The following ZNF561 variants were observed in gnomAD, a reference collection of about 807,000 sequenced individuals.
ZNF561 encodes the protein zinc finger protein 561.
In ZNF561, 16 loss-of-function variants were observed where a neutral mutation model predicts 16.7. The ratio of observed to expected loss-of-function variants is 0.96; its 90% confidence interval spans 0.65 to 1.45. The LOEUF is 1.45. Ranked by LOEUF, ZNF561 falls within the 40% of genes most tolerant of loss-of-function variation. ZNF561 has a pLI of 0.00. For missense variants in ZNF561, 580 were observed against 578.0 expected (o/e 1.00, Z -0.04); for synonymous variants, 190 against 192.1 (o/e 0.99, Z 0.09).
In ZNF561 at chr19:9,610,872, A is replaced by G; in HGVS notation, c.789T>C (p.Thr263=). The change falls in exon 6 of 6, where the codon ACT becomes ACC. Residue 263 remains threonine, a synonymous_variant. Coordinates refer to ENST00000302851, the MANE Select transcript of ZNF561 (RefSeq NM_152289.3). Reference sequence around the variant, plus strand: ...CAGGTGCATAAAGTTGAGAAAAATTAGTGAAGGATTTCCCACATTTCTTAG... The same window carrying G: ...CAGGTGCATAAAGTTGAGAAAAATTGGTGAAGGATTTCCCACATTTCTTAG... ...KKTKKCGKSF[T]NFSQLYAPVK... 1 of 1,614,166 alleles carries G rather than the reference A, an allele frequency of 6.2e-7. No individual in the cohort carries two copies. The highest frequency in any genetic ancestry group is 1.1e-5 in the South Asian group (1 of 91,084).
intron 5 of ZNF561, among the ~76,000 whole-genome samples, chr19:9,612,426 G>A (rs1405318986): frequency 3.3e-5 from 5 of 151,846 alleles, no homozygotes; most frequent in Admixed American, 6.6e-5. Flanking sequence ...CCCCATGTTC[G>A]CCAGGCTGGT....
intron 4 of ZNF561, 135 bp downstream of exon 4, chr19:9,616,908 TAA>T (rs2074564727): frequency 8.0e-7 from 1 of 1,252,306 alleles, no homozygotes; most frequent in African/African-American, 1.5e-5. Context: ...ATTTTTTTTT[TAA>T]GAGACAAGGT....
chr19:9,618,544 G>A (rs541029270), intron 2 of ZNF561, among the ~76,000 whole-genome samples: 7 of 151,826 alleles, frequency 4.6e-5, no homozygotes, highest in African/African-American at 1.7e-4. Flanking sequence ...AGCTAACACG[G>A]TGAAACCCCA....
In ZNF561 at chr19:9,610,500, G is replaced by T. The variant is rs745646866; in HGVS notation, c.1161C>A (p.His387Gln). ...CACATTCATAAGGCTTCTCTCCTGT[G>T]TGAATTCTTGTATGCTGAATAAGAC... ...STSLIQHTRI[H>Q]TGEKPYECVE... The change falls in exon 6 of 6, where the codon CAC becomes CAA. Residue 387 changes from histidine to glutamine, a missense_variant. Transcript: ENST00000302851. 1.2e-6 allele frequency: 2 copies of T among 1,613,880 alleles called. No homozygotes were observed. Among genetic ancestry groups the T allele is most frequent in the Non-Finnish European group, 1.7e-6 (2 of 1,179,764 alleles).
chr19:9,618,056 A>G (rs1221624722), intron 3 of ZNF561, 35 bp downstream of exon 3: 9 of 1,524,284 alleles, frequency 5.9e-6, no homozygotes, highest in African/African-American at 1.4e-5. Flanking sequence ...GGATGAAAGC[A>G]TATCATTTTT....
Position 9,607,427 on chromosome 19 carries a change from C to T in ZNF561, c.*2773G>A, listed in dbSNP as rs1442954713. 1 of 152,074 alleles carries T rather than the reference C, an allele frequency of 6.6e-6. No individual in the cohort carries two copies. The highest frequency in any genetic ancestry group is 1.9e-4 in the East Asian group (1 of 5,190). 9.4% of individuals were successfully genotyped at this position (152,074 alleles called of 1,614,324 possible). On this transcript the variant is annotated 3_prime_UTR_variant, in exon 6 of 6. Transcript: ENST00000302851. ...AAACATGATCATCACAGAGGATGCA[C>T]AGGAAGCATTTAATAAATTCAAGAG...
chr19:9,619,578 C>T lies in ZNF561; in HGVS notation c.-122G>A, dbSNP rs1268492842. ...ATTCCTCTTTGTACAGGGTTATTTG[C>T]GGTCCTGTTCATATCAATCATCAAA... On this transcript the variant is annotated 5_prime_UTR_variant, in exon 2 of 6. Transcript: ENST00000302851. 15 of 849,978 alleles carry T rather than the reference C, an allele frequency of 1.8e-5. No homozygotes were observed. The highest frequency in any genetic ancestry group is 8.9e-5 in the South Asian group (5 of 55,996). 52.7% of individuals were successfully genotyped at this position (849,978 alleles called of 1,614,324 possible).
rs1284619177 is a variant in ZNF561 at position 9,607,891 on chromosome 19, GAC to G, written c.*2307_*2308del. On this transcript the variant is annotated 3_prime_UTR_variant, in exon 6 of 6. Transcript: ENST00000302851. ...TAGGGTTTTTTAGTTTTGTTTTTGA[GAC>G]AGAGTCTCGCTCTGTTGTCCAGGCT... The G allele has an allele frequency of 3.9e-5, 6 of 152,148 alleles. No individual in the cohort carries two copies. Among genetic ancestry groups the G allele is most frequent in the Non-Finnish European group, 7.3e-5 (5 of 68,040 alleles). 9.4% of individuals were successfully genotyped at this position (152,148 alleles called of 1,614,324 possible).
rs2074445763 is a variant in ZNF561, at chr19:9,611,069, T to C, written c.592A>G (p.Lys198Glu). The change falls in exon 6 of 6, where the codon AAA (lysine) becomes GAA (glutamate). Residue 198 changes from lysine to glutamate, a missense_variant. Physicochemically the swap from Lys to Glu is moderately conservative, Grantham distance 56. Coordinates refer to ENST00000302851, the MANE Select transcript of ZNF561 (RefSeq NM_152289.3). ...AAGCCTTTTCCACATTCCTTACATTTGTAGGGTTGTCTTGCATTGAGAACT... is the reference window on the plus strand; with the variant it reads ...AAGCCTTTTCCACATTCCTTACATTCGTAGGGTTGTCTTGCATTGAGAACT... The part of the protein sequence containing the change: ...LEVLNARQPY[K>E]CKECGKGFKY... 3 of 1,614,032 alleles carry C rather than the reference T, an allele frequency of 1.9e-6. No individual in the cohort carries two copies. In the African/African-American group the frequency reaches 4.0e-5, roughly 22 times the overall value.
rs185620706 is a variant in ZNF561 at position 9,610,233 on chromosome 19, G to A, written c.1428C>T (p.Pro476=). The part of the protein sequence containing the change: ...RHERIHTGEK[P]YECKDMSVTI The stretch of plus-strand genomic sequence containing the variant: ...TAACACTCATATCCTTGCATTCATA[G>A]GGTTTCTCCCCAGTGTGAATTCTTT... The change falls in exon 6 of 6, where the codon CCC becomes CCT. Residue 476 remains proline, a synonymous_variant. Coordinates refer to ENST00000302851, the MANE Select transcript of ZNF561 (RefSeq NM_152289.3). 1.1e-5 allele frequency: 18 copies of A among 1,608,218 alleles called. No homozygotes were observed. In the East Asian group the frequency reaches 3.3e-4, roughly 30 times the overall value.
rs1031658891 is a variant in ZNF561, at chr19:9,613,889, C to A, written c.324+132G>T. 7.6e-6 allele frequency: 8 copies of A among 1,046,466 alleles called. No individual in the cohort carries two copies. The Admixed American group carries it at 8.9e-5, about 12-fold the overall frequency. The allele number at this position is 1,046,466 out of a possible 1,614,324, so 64.8% of individuals were successfully genotyped here. ...CTTGAACTCTTGGGCTCAAATGAGA[C>A]CCCCACTTCAGCCTCCCAAATAGCT... On this transcript the variant is annotated intron_variant, in intron 5 of 5. Transcript: ENST00000302851.
At chr19:9,612,047 C>G (rs1291447814) in intron 5 of ZNF561, among the ~76,000 whole-genome samples, 2 of 152,146 alleles carry the variant, frequency 1.3e-5, no homozygotes, top group Admixed American at 6.5e-5. Flanking sequence ...CCTGCCTCAG[C>G]CTCCTGAGTA....
rs1951776621 is a variant in ZNF561 at position 9,607,925 on chromosome 19, C to G, written c.*2275G>C. 1 of 152,150 alleles carries G rather than the reference C, an allele frequency of 6.6e-6. No homozygotes were observed. 9.4% of individuals were successfully genotyped at this position (152,150 alleles called of 1,614,324 possible). ...TCGCTCTGTTGTCCAGGCTGGAATG[C>G]AGTGGCTGCGATCTCGGCTCACTGC... On this transcript the variant is annotated 3_prime_UTR_variant, in exon 6 of 6. Coordinates refer to ENST00000302851, the MANE Select transcript of ZNF561 (RefSeq NM_152289.3).
At chr19:9,617,784 T>A (rs558731381) in intron 3 of ZNF561, 8 of 472,708 alleles carry the variant, frequency 1.7e-5, no homozygotes, top group African/African-American at 1.6e-4. Context: ...AAGTGAATGA[T>A]TTGATAAAAG....
At chr19:9,616,239 C>T (rs1210083625) in intron 4 of ZNF561, among the ~76,000 whole-genome samples, 1 of 152,086 alleles carries the variant, frequency 6.6e-6, no homozygotes, top group Non-Finnish European at 1.5e-5. Flanking sequence ...ATACATCTGC[C>T]CTATAACAGG....
chr19:9,613,748 C>T (rs1323913294), intron 5 of ZNF561, among the ~76,000 whole-genome samples: 2 of 152,208 alleles, frequency 1.3e-5, no homozygotes, highest in Non-Finnish European at 2.9e-5. Context: ...AACTCCTGAC[C>T]TCAAGTGATC....
In ZNF561 at chr19:9,613,976, C is replaced by A. The variant is rs776542952; in HGVS notation, c.324+45G>T. 3.6e-5 allele frequency: 58 copies of A among 1,604,360 alleles called. No individual in the cohort carries two copies. In the Admixed American group the frequency reaches 9.7e-4, roughly 27 times the overall value. On this transcript the variant is annotated intron_variant, in intron 5 of 5. Coordinates refer to ENST00000302851, the MANE Select transcript of ZNF561 (RefSeq NM_152289.3). ...GATTTTCTAGAATGGAATTCTCTAT[C>A]TTTTCTAAGAGAGGAAATTAAGAAA... is the stretch of plus-strand genomic sequence containing the variant.
chr19:9,619,933 T>TCTATCTATCTATCTATCTAC (rs2074638022), intron 1 of ZNF561, among the ~76,000 whole-genome samples: 1 of 144,044 alleles, frequency 6.9e-6, no homozygotes, highest in Admixed American at 7.1e-5. Flanking sequence ...TATCTATCTA[T>TCTATCTATCTATCTATCTAC]CTATCTATCT....
intron 5 of ZNF561, 132 bp downstream of exon 5, chr19:9,613,889 C>T (rs1031658891): frequency 2.7e-5 from 28 of 1,046,354 alleles, no homozygotes; most frequent in Non-Finnish European, 3.8e-5. Flanking sequence ...TCAAATGAGA[C>T]CCCCACTTCA....
Sources: gnomAD v4.1 joint callset for allele counts (sites outside exome capture counted in the v4.1 genomes callset) on GRCh38, gnomAD v4.1.1 for gene constraint, MANE v1.5 for transcripts, NCBI Gene and HGNC (gene_info 2026-07-23, HGNC 2026-07-21) for gene names.